Variants in FHIT observed in about 807,000 individuals in gnomAD.
FHIT encodes bis(5'-adenosyl)-triphosphatase.
FHIT carries 19 observed loss-of-function variants against 17.9 expected under a neutral mutation model. The ratio of observed to expected loss-of-function variants is 1.06; its 90% CI spans 0.74 to 1.56. The LOEUF is 1.56. FHIT is among the 40% of genes most tolerant of loss of function. The probability of loss-of-function intolerance (pLI) is 0.00; values close to 1 mark genes in which losing one functional copy is unlikely to be tolerated. For missense variants in FHIT, 248 were observed against 189.2 expected (o/e 1.31, Z -1.82); for synonymous variants, 81 against 69.7 (o/e 1.16, Z -0.81).
chr3:59,752,145 A>C, intron 9 of FHIT, 76 bp downstream of exon 9: 1 of 1,023,360 alleles, frequency 9.8e-7, no homozygotes, highest in Non-Finnish European at 1.5e-6. Context: ...GTTTTTGTGC[A>C]TCCCCATTCT....
chr3:60,584,651 C>T (rs1488244977), intron 4 of FHIT, among the ~76,000 whole-genome samples: 3 of 151,938 alleles, frequency 2.0e-5, no homozygotes, highest in African/African-American at 7.2e-5. Flanking sequence ...CAATTATCTT[C>T]TGTAATTTTA....
rs923785069 is a variant in FHIT, at chr3:60,025,427, G to C, written c.104-11275C>G. Among the ~76,000 whole-genome samples, 5 of 152,144 alleles carry C rather than the reference G, an allele frequency of 3.3e-5. No homozygotes were observed. In the South Asian group the frequency reaches 8.3e-4, roughly 25 times the overall value. ...GTCCCCAAGAGAATGATTAGAAACA[G>C]GCTCAGACTTTTGCTCACTTTGGCT... On this transcript the variant is annotated intron_variant, in intron 5 of 9. Coordinates refer to ENST00000492590, the MANE Select transcript of FHIT (RefSeq NM_002012.4).
At chr3:60,292,560 G>A (rs146646990) in intron 5 of FHIT, among the ~76,000 whole-genome samples, 2 of 152,262 alleles carry the variant, frequency 1.3e-5, no homozygotes, top group East Asian at 3.9e-4. Context: ...GCCAGGATAA[G>A]AGCATATAAT....
intron 8 of FHIT, among the ~76,000 whole-genome samples, chr3:59,805,953 G>A (rs933164379): frequency 4.6e-5 from 7 of 152,006 alleles, no homozygotes; most frequent in African/African-American, 1.2e-4. Flanking sequence ...AGGCCGAGGC[G>A]GGCAGATCAC....
rs554345336 is a variant in FHIT, at chr3:60,029,818, C to T, written c.104-15666G>A. On this transcript the variant is annotated intron_variant, in intron 5 of 9. Coordinates refer to ENST00000492590, the MANE Select transcript of FHIT (RefSeq NM_002012.4). ...TATCCTTGGTTACTAGGATCAATAA[C>T]ATTGTAGCACCAGAAAGAGGTTGGA... 2.6e-5 allele frequency among the ~76,000 whole-genome samples: 4 copies of T among 151,430 alleles called. No individual in the cohort carries two copies. The East Asian group carries it at 7.8e-4, about 30-fold the overall frequency.
chr3:60,042,608 T>C (rs1701486593), intron 5 of FHIT, among the ~76,000 whole-genome samples: 1 of 152,188 alleles, frequency 6.6e-6, no homozygotes, highest in East Asian at 1.9e-4. Flanking sequence ...TCTTTAAGAA[T>C]ACAAGTCATA....
intron 4 of FHIT, among the ~76,000 whole-genome samples, chr3:60,637,583 T>C (rs1432395703): frequency 7.2e-5 from 11 of 152,226 alleles, no homozygotes; most frequent in Non-Finnish European, 1.3e-4. Flanking sequence ...ACCATCATTA[T>C]TCCTATTGGC....
At chr3:60,016,250 G>A (rs1242983312) in intron 5 of FHIT, among the ~76,000 whole-genome samples, 1 of 152,170 alleles carries the variant, frequency 6.6e-6, no homozygotes, top group Non-Finnish European at 1.5e-5. Context: ...TTGTGGAACT[G>A]GTTACCACTT....
chr3:60,624,895 GTTTTT>G (rs782663413), intron 4 of FHIT, among the ~76,000 whole-genome samples: 172 of 148,824 alleles, frequency 1.2e-3, no homozygotes, highest in African/African-American at 4.1e-3. Context: ...CTTGTTTCTA[GTTTTT>G]TTTTTTGTTT....
intron 1 of FHIT, among the ~76,000 whole-genome samples, chr3:61,244,712 A>C (rs2040446935): frequency 6.6e-6 from 1 of 152,208 alleles, no homozygotes; most frequent in African/African-American, 2.4e-5. Flanking sequence ...CTGAAAACAA[A>C]GGGTTACAGA....
At chr3:59,871,210 G>A (rs1377913398) in intron 8 of FHIT, among the ~76,000 whole-genome samples, 2 of 152,100 alleles carry the variant, frequency 1.3e-5, no homozygotes, top group Non-Finnish European at 2.9e-5. Context: ...AAGGAAGTGT[G>A]TACTCTGCTG....
chr3:59,796,120 A>C (rs1347366279), intron 8 of FHIT, among the ~76,000 whole-genome samples: 1 of 152,192 alleles, frequency 6.6e-6, no homozygotes, highest in African/African-American at 2.4e-5. Flanking sequence ...ATTTGCTTTC[A>C]AGACAAAACT....
At chr3:60,583,069 T>C (rs782072530) in intron 4 of FHIT, among the ~76,000 whole-genome samples, 6 of 151,732 alleles carry the variant, frequency 4.0e-5, no homozygotes, top group Non-Finnish European at 7.4e-5. Context: ...AATCAGAACA[T>C]GTCAACACAA....
At chr3:61,010,435 C>A (rs1187866100) in intron 3 of FHIT, among the ~76,000 whole-genome samples, 1 of 152,132 alleles carries the variant, frequency 6.6e-6, no homozygotes, top group Non-Finnish European at 1.5e-5. Context: ...ACTCAACAAT[C>A]CCATGTAATA....
At chr3:61,111,924 A>G (rs145987312) in intron 2 of FHIT, among the ~76,000 whole-genome samples, 83 of 152,350 alleles carry the variant, frequency 5.4e-4, no homozygotes, top group African/African-American at 2.0e-3. Flanking sequence ...ATCAGTCAAC[A>G]GTTACTTAGC....
rs147813102 is a variant in FHIT, at chr3:60,043,488, C to T, written c.104-29336G>A. Among the ~76,000 whole-genome samples, 515 of 152,280 alleles carry T rather than the reference C, an allele frequency of 3.4e-3. 2 individuals are homozygous for T. The highest frequency in any genetic ancestry group is 0.011 in the African/African-American group (473 of 41,562). On this transcript the variant is annotated intron_variant, in intron 5 of 9. Transcript: ENST00000492590. The stretch of plus-strand genomic sequence containing the variant: ...CTCCATTTTACAGATGGAGAGATTA[C>T]ATGTCTTGCTAAAGCTACCAGCTAA...
At chr3:60,736,890 T>G (rs574733191) in intron 4 of FHIT, among the ~76,000 whole-genome samples, 1 of 152,296 alleles carries the variant, frequency 6.6e-6, no homozygotes, top group Non-Finnish European at 1.5e-5. Flanking sequence ...ATGATAACAA[T>G]ATTAAAGTGA....
At chr3:60,653,513 T>C (rs1365348995) in intron 4 of FHIT, among the ~76,000 whole-genome samples, 2 of 65,692 alleles carry the variant, frequency 3.0e-5, no homozygotes, top group East Asian at 1.8e-3. Context: ...AAAAAGAAAC[T>C]GGAGTGGAGG....
chr3:60,516,566 T>C (rs1229628592), intron 5 of FHIT, among the ~76,000 whole-genome samples: 1 of 152,174 alleles, frequency 6.6e-6, no homozygotes, highest in South Asian at 2.1e-4. Context: ...TGCCACTTAA[T>C]AGCTGTTTGG....
Sources: gnomAD v4.1 joint callset for allele counts (sites outside exome capture counted in the v4.1 genomes callset) on GRCh38, gnomAD v4.1.1 for gene constraint, MANE v1.5 for transcripts, NCBI Gene and HGNC (gene_info 2026-07-23, HGNC 2026-07-21) for gene names.